BAIAP2: variants seen among roughly 807,000 people sequenced by gnomAD.
The protein encoded by BAIAP2 is BAR/IMD domain-containing adapter protein 2.
Under a neutral mutation model 63.0 loss-of-function variants are expected in BAIAP2, and 18 were observed. The ratio of observed to expected loss-of-function variants is 0.29; its 90% confidence interval spans 0.20 to 0.42. The LOEUF (loss-of-function observed/expected upper bound fraction) is 0.42. BAIAP2 is among the 10% of genes least tolerant of loss of function. BAIAP2 has a pLI of 1.00. For missense variants in BAIAP2, 610 were observed against 734.3 expected, an observed-to-expected ratio of 0.83 and a Z score of 1.96; for synonymous variants, 386 against 307.6, an observed-to-expected ratio of 1.25 and a Z score of -2.67.
intron 10 of BAIAP2, 52 bp downstream of exon 10, chr17:81,104,767 T>A (rs2058920384): frequency 6.6e-7 from 1 of 1,505,750 alleles, no homozygotes; most frequent in African/African-American, 1.4e-5. Context: ...TCAGCAAGTG[T>A]GTGGGGCAGC....
intron 13 of BAIAP2, among the ~76,000 whole-genome samples, chr17:81,115,030 G>A (rs1005138267): frequency 5.9e-5 from 9 of 152,230 alleles, no homozygotes; most frequent in African/African-American, 1.7e-4. Flanking sequence ...TGTCCCCTCC[G>A]GGGGTGGGGA....
At chr17:81,063,798 C>T (rs531035837) in intron 3 of BAIAP2, 1 of 152,224 alleles carries the variant, frequency 6.6e-6, no homozygotes, top group Admixed American at 6.5e-5. Context: ...GGACGTTGCT[C>T]ATTTCTGGTC....
chr17:81,069,986 G>C (rs972544935), intron 3 of BAIAP2, among the ~76,000 whole-genome samples: 20 of 152,098 alleles, frequency 1.3e-4, no homozygotes, highest in African/African-American at 4.8e-4. Context: ...TTTGGAGACA[G>C]AGTCTCACTC....
chr17:81,094,329 C>T (rs1367244271), intron 6 of BAIAP2, among the ~76,000 whole-genome samples: 1 of 152,180 alleles, frequency 6.6e-6, no homozygotes, highest in African/African-American at 2.4e-5. Context: ...CTGTCCATCC[C>T]AATACCAAGC....
rs149182191 is a variant in BAIAP2, at chr17:81,070,897, G to A, written c.217+12930G>A. 8.1e-3 allele frequency among the ~76,000 whole-genome samples: 1,236 copies of A among 152,292 alleles called. 15 individuals are homozygous for A. The highest frequency in any genetic ancestry group is 0.028 in the African/African-American group (1,181 of 41,560). On this transcript the variant is annotated intron_variant, in intron 3 of 13. Coordinates refer to ENST00000428708, the MANE Select transcript of BAIAP2 (RefSeq NM_001144888.2). ...TCCAGGGCCCATCCTTGGAGCCGGC[G>A]GGTTGGAGTGGTGGCTCAGGACAGT...
chr17:81,093,502 G>A (rs934805665), intron 6 of BAIAP2, among the ~76,000 whole-genome samples: 3 of 152,196 alleles, frequency 2.0e-5, no homozygotes, highest in South Asian at 4.1e-4. Context: ...TCGCTGGCCG[G>A]TCGTGAGTGA....
chr17:81,046,687 G>T lies in BAIAP2; in HGVS notation c.55-6981G>T, dbSNP rs191424857. On this transcript the variant is annotated intron_variant, in intron 1 of 13. Coordinates refer to ENST00000428708, the MANE Select transcript of BAIAP2 (RefSeq NM_001144888.2). This position sits in a 1 kb window ranked among gnomAD's most constrained non-coding sequence, Gnocchi z 4.5. ...ACAGCAAGCTCTGAGGTGTCCTCCC[G>T]CGAGGACACTGTCCACTGCTGCAGG... 2.0e-4 allele frequency among the ~76,000 whole-genome samples: 31 copies of T among 152,260 alleles called. No individual in the cohort carries two copies. Among genetic ancestry groups the T allele is most frequent in the Admixed American group, 5.9e-4 (9 of 15,298 alleles).
chr17:81,047,149 G>A (rs1457341722), intron 1 of BAIAP2, among the ~76,000 whole-genome samples: 1 of 152,174 alleles, frequency 6.6e-6, no homozygotes, highest in Admixed American at 6.5e-5. Context: ...CCTTTTTCCT[G>A]ATATTACTGG....
At chr17:81,045,859 T>C (rs1373527359) in intron 1 of BAIAP2, among the ~76,000 whole-genome samples, 1 of 152,126 alleles carries the variant, frequency 6.6e-6, no homozygotes, top group Non-Finnish European at 1.5e-5. Context: ...AGAAGCCTAG[T>C]GGCCCCTCCT....
At chr17:81,042,584 C>T (rs1011493943) in intron 1 of BAIAP2, among the ~76,000 whole-genome samples, 2 of 152,096 alleles carry the variant, frequency 1.3e-5, no homozygotes, top group Non-Finnish European at 2.9e-5. Context: ...GGACAGTCAG[C>T]AGGTGGGCCA....
intron 13 of BAIAP2, among the ~76,000 whole-genome samples, chr17:81,112,702 G>A (rs957402594): frequency 2.6e-5 from 4 of 152,264 alleles, no homozygotes; most frequent in African/African-American, 9.6e-5. Flanking sequence ...AAATGCATTT[G>A]TGACGGCTCC....
intron 1 of BAIAP2, among the ~76,000 whole-genome samples, chr17:81,047,452 G>C (rs140683530): frequency 1.6e-3 from 245 of 152,326 alleles, no homozygotes; most frequent in African/African-American, 5.3e-3. Flanking sequence ...TAGAAAACAC[G>C]GCTCAGCCTG....
At chr17:81,099,907 T>A in intron 6 of BAIAP2, 21 bp from the exon 7 acceptor site, 1 of 1,608,184 alleles carries the variant, frequency 6.2e-7, no homozygotes, top group Middle Eastern at 1.7e-4. Flanking sequence ...TGGCTGAGCC[T>A]TTCTCCCTTT....
intron 11 of BAIAP2, 126 bp from the exon 12 acceptor site, chr17:81,106,619 C>T (rs2059214394): frequency 1.7e-6 from 2 of 1,154,320 alleles, no homozygotes; most frequent in East Asian, 2.5e-5. Flanking sequence ...GCCGCCTTGG[C>T]CTGAGAGCAG....
rs571039002 is a variant in BAIAP2 at position 81,064,093 on chromosome 17, T to C, written c.217+6126T>C. 3.3e-3 allele frequency among the ~76,000 whole-genome samples: 496 copies of C among 152,392 alleles called. 1 individual carries two copies. The highest frequency in any genetic ancestry group is 4.3e-3 in the Non-Finnish European group (292 of 68,034). ...CTCTGGGTGTGGCCTTGTGGCCATA[T>C]GGGGCCAGGGTTGCCAGGCAAGCAG... On this transcript the variant is annotated intron_variant, in intron 3 of 13. Coordinates refer to ENST00000428708, the MANE Select transcript of BAIAP2 (RefSeq NM_001144888.2).
chr17:81,110,567 G>A (rs3935190), intron 13 of BAIAP2: 621,562 of 1,160,880 alleles, frequency 0.54, 167,560 homozygotes, highest in Admixed American at 0.64. Context: ...TGCCGTGGGG[G>A]CCCCGCCTTG....
chr17:81,054,927 C>G (rs56387148), intron 2 of BAIAP2, among the ~76,000 whole-genome samples: 7,131 of 152,248 alleles, frequency 0.047, 221 homozygotes, highest in Non-Finnish European at 0.074. Flanking sequence ...TGGGGACTTG[C>G]TATTCTTGGA....
At chr17:81,080,296 C>T (rs893199437) in intron 3 of BAIAP2, among the ~76,000 whole-genome samples, 10 of 152,254 alleles carry the variant, frequency 6.6e-5, no homozygotes, top group South Asian at 2.1e-4. Flanking sequence ...ACTCCATGCC[C>T]ACGTGGTTTC....
intron 5 of BAIAP2, among the ~76,000 whole-genome samples, 177 bp from the exon 6 acceptor site, chr17:81,086,266 C>G (rs2055623940): frequency 6.6e-6 from 1 of 152,078 alleles, no homozygotes; most frequent in South Asian, 2.1e-4. Context: ...TTGGGCTCTC[C>G]CCAACTCTGA....
Sources: allele counts gnomAD v4.1 joint callset (sites outside exome capture counted in the v4.1 genomes callset), GRCh38; gene constraint gnomAD v4.1.1; non-coding constraint Gnocchi (gnomAD v3.1); transcripts MANE v1.5; gene names NCBI Gene and HGNC (gene_info 2026-07-23, HGNC 2026-07-21).